CAST: variants seen among roughly 807,000 people sequenced by gnomAD.
CAST encodes the protein calpastatin.
A neutral mutation model predicts 119.6 loss-of-function variants in CAST; 76 were observed. That is an observed-to-expected ratio of 0.64 (90% CI 0.53 to 0.77). CAST has a LOEUF of 0.77. Among genes scored for constraint, CAST ranks in the 30% least tolerant of loss-of-function variants. The probability of loss-of-function intolerance (pLI) is 0.00; values close to 1 mark genes in which losing one functional copy is unlikely to be tolerated. For missense variants in CAST, 953 were observed against 946.5 expected, an observed-to-expected ratio of 1.01 and a Z score of -0.09; for synonymous variants, 319 against 331.6, an observed-to-expected ratio of 0.96 and a Z score of 0.41.
chr5:96,021,181 A>C, the CAST span, among the ~76,000 whole-genome samples: 1 of 152,204 alleles, frequency 6.6e-6, no homozygotes, highest in Non-Finnish European at 1.5e-5. Context: ...GTTAAGGATC[A>C]TTAGAAACTC....
the CAST span, among the ~76,000 whole-genome samples, chr5:96,101,868 A>G: frequency 6.6e-6 from 1 of 152,212 alleles, no homozygotes; most frequent in African/African-American, 2.4e-5. Context: ...CAGCAGGAGC[A>G]GGCTTCATGC....
intron 1 of CAST, among the ~76,000 whole-genome samples, chr5:96,578,541 GA>G (rs538649854): frequency 2.5e-4 from 37 of 150,318 alleles, no homozygotes; most frequent in African/African-American, 6.1e-4. Context: ...GGTTACTTCA[GA>G]AAAAAAAATT....
At chr5:96,577,167 T>C (rs576763946) in intron 1 of CAST, among the ~76,000 whole-genome samples, 63 of 152,282 alleles carry the variant, frequency 4.1e-4, no homozygotes, top group African/African-American at 1.4e-3. Flanking sequence ...TTTCAGGAAA[T>C]TGATTGATTT....
chr5:96,451,348 G>C, the CAST span, among the ~76,000 whole-genome samples: 1 of 152,178 alleles, frequency 6.6e-6, no homozygotes, highest in South Asian at 2.1e-4. Flanking sequence ...GTGCCTTTCA[G>C]AAAAAATCCT....
chr5:96,521,977 G>A (rs184550919), upstream of CAST, among the ~76,000 whole-genome samples: 32 of 152,208 alleles, frequency 2.1e-4, no homozygotes, highest in African/African-American at 3.9e-4. Context: ...TTAGCCAGGC[G>A]TGGTGGCGGG....
chr5:96,764,550 TCAC>T (rs752726695), intron 25 of CAST, among the ~76,000 whole-genome samples: 24 of 152,302 alleles, frequency 1.6e-4, no homozygotes, highest in Non-Finnish European at 5.9e-5. Flanking sequence ...AGGGCACTCA[TCAC>T]CAGTGTGGCA....
chr5:96,258,391 C>T, the CAST span, among the ~76,000 whole-genome samples: 1 of 152,104 alleles, frequency 6.6e-6, no homozygotes, highest in South Asian at 2.1e-4. Flanking sequence ...ATTACTATTA[C>T]CTTCATTTTG....
chr5:96,524,004 C>T (rs1745559803), upstream of CAST, among the ~76,000 whole-genome samples: 1 of 152,210 alleles, frequency 6.6e-6, no homozygotes, highest in African/African-American at 2.4e-5. Context: ...CAAGAGTATA[C>T]ATGTGAGGAT....
At chr5:96,359,080 C>T in the CAST span, among the ~76,000 whole-genome samples, 1 of 152,134 alleles carries the variant, frequency 6.6e-6, no homozygotes, top group African/African-American at 2.4e-5. Context: ...GCTCCCTTTA[C>T]ATTGTGTAAT....
the CAST span, among the ~76,000 whole-genome samples, chr5:96,149,663 G>T: frequency 2.0e-5 from 3 of 152,158 alleles, no homozygotes; most frequent in Non-Finnish European, 2.9e-5. Context: ...TGACCCAGAG[G>T]CCAGTTTCAC....
chr5:96,486,406 A>G, the CAST span, among the ~76,000 whole-genome samples: 1 of 152,194 alleles, frequency 6.6e-6, no homozygotes, highest in Non-Finnish European at 1.5e-5. Flanking sequence ...CACACACTCC[A>G]GACAGAGACA....
intron 18 of CAST, among the ~76,000 whole-genome samples, chr5:96,747,818 T>C (rs1046241519): frequency 2.6e-5 from 4 of 152,188 alleles, no homozygotes. Flanking sequence ...TTTTTGGATA[T>C]TATCTTTGTG....
rs754090233 is a variant in CAST, at chr5:96,740,052, C to T, written c.813C>T (p.Ser271=). The T allele has an allele frequency of 5.7e-6, 9 of 1,566,056 alleles. No homozygotes were observed. In the South Asian group the frequency reaches 9.2e-5, roughly 16 times the overall value. ...TGPEVSDPMS[S]TYIEELGKRE... The stretch of plus-strand genomic sequence containing the variant: ...TTTTGTTCCAGGATCCAATGAGTTC[C>T]ACCTACATAGAGGAATTGGGTAAAA... Residue 271 remains serine, a synonymous_variant, in exon 12 of 32, where the codon TCC becomes TCT. Transcript: ENST00000675179.
At chr5:95,982,896 A>G in the CAST span, among the ~76,000 whole-genome samples, 207 of 152,298 alleles carry the variant, frequency 1.4e-3, 3 homozygotes, top group Admixed American at 9.8e-3. Context: ...ATTTTTTACA[A>G]CATTATTTAT....
chr5:96,626,698 C>T (rs1032723105), intron 1 of CAST, among the ~76,000 whole-genome samples: 1 of 152,156 alleles, frequency 6.6e-6, no homozygotes, highest in Non-Finnish European at 1.5e-5. Flanking sequence ...ACCATGTTAC[C>T]ATTTAATTTT....
At chr5:96,215,834 G>A in the CAST span, among the ~76,000 whole-genome samples, 654 of 152,158 alleles carry the variant, frequency 4.3e-3, 3 homozygotes, top group Non-Finnish European at 6.9e-3. Context: ...TTGAGACAGA[G>A]TCTTGCTCTG....
chr5:96,448,097 A>T, the CAST span, among the ~76,000 whole-genome samples: 3 of 152,102 alleles, frequency 2.0e-5, no homozygotes, highest in Non-Finnish European at 4.4e-5. Context: ...ATCTGTCTGG[A>T]ATATTTTTAT....
chr5:96,481,425 T>G, the CAST span, among the ~76,000 whole-genome samples: 6 of 152,216 alleles, frequency 3.9e-5, 1 homozygote, highest in South Asian at 1.2e-3. Context: ...AAATTCATTA[T>G]TGCCTACCCA....
the CAST span, among the ~76,000 whole-genome samples, chr5:96,363,882 G>A: frequency 6.6e-6 from 1 of 152,206 alleles, no homozygotes; most frequent in Non-Finnish European, 1.5e-5. Context: ...GAATAGGAGT[G>A]TTGAGAGAGG....
Sources: allele counts gnomAD v4.1 joint callset (sites outside exome capture counted in the v4.1 genomes callset), GRCh38; gene constraint gnomAD v4.1.1; transcripts MANE v1.5; gene names NCBI Gene and HGNC (gene_info 2026-07-23, HGNC 2026-07-21).